PRKD1: variants seen among roughly 807,000 people sequenced by gnomAD.
PRKD1 encodes protein kinase D1.
PRKD1 carries 63 observed loss-of-function variants against 95.9 expected under a neutral mutation model. The observed-to-expected ratio is 0.66, with a 90% CI of 0.54 to 0.81. The LOEUF is 0.81. Among genes scored for constraint, PRKD1 ranks in the 30% least tolerant of loss-of-function variants. PRKD1 has a pLI of 0.00. For missense variants in PRKD1, 1,048 were observed against 1,165.3 expected, an observed-to-expected ratio of 0.90 and a Z score of 1.47; for synonymous variants, 425 against 423.1, an observed-to-expected ratio of 1.00 and a Z score of -0.05.
chr14:29,865,511 C>A (rs1450757148), intron 1 of PRKD1, among the ~76,000 whole-genome samples: 1 of 152,158 alleles, frequency 6.6e-6, no homozygotes, highest in Admixed American at 6.5e-5. Context: ...TTCATTATCA[C>A]AAGAGTGGCT....
intron 1 of PRKD1, among the ~76,000 whole-genome samples, chr14:29,801,791 C>T (rs981068281): frequency 1.3e-5 from 2 of 152,272 alleles, no homozygotes; most frequent in East Asian, 3.9e-4. Context: ...CAGGTTCAAG[C>T]GTTTCTCCTG....
At chr14:29,608,129 T>A (rs1302548013) in intron 13 of PRKD1, among the ~76,000 whole-genome samples, 8 of 152,212 alleles carry the variant, frequency 5.3e-5, no homozygotes, top group Admixed American at 4.6e-4. Context: ...TGCATCCATT[T>A]TGCCAATCTG....
At chr14:29,892,348 C>A (rs570013758) in intron 1 of PRKD1, among the ~76,000 whole-genome samples, 1 of 151,760 alleles carries the variant, frequency 6.6e-6, no homozygotes, top group South Asian at 2.1e-4. Context: ...AATATATTAG[C>A]CAAATGGTTG....
chr14:29,807,041 A>G (rs34510700), intron 1 of PRKD1, among the ~76,000 whole-genome samples: 1 of 151,908 alleles, frequency 6.6e-6, no homozygotes, highest in Admixed American at 6.5e-5. Flanking sequence ...ACATGCCTCA[A>G]TGAAAAAAAA....
intron 1 of PRKD1, among the ~76,000 whole-genome samples, chr14:29,864,911 G>T (rs1892835707): frequency 6.6e-6 from 1 of 152,120 alleles, no homozygotes; most frequent in African/African-American, 2.4e-5. Flanking sequence ...TAATCTTTAA[G>T]CCACATGCTC....
intron 1 of PRKD1, among the ~76,000 whole-genome samples, chr14:29,822,648 T>C (rs924538913): frequency 6.6e-6 from 1 of 152,164 alleles, no homozygotes; most frequent in Non-Finnish European, 1.5e-5. Context: ...TGTTCTGCCC[T>C]TTACTTTAGG....
chr14:29,702,202 A>T (rs532601657), intron 2 of PRKD1, among the ~76,000 whole-genome samples: 1 of 152,128 alleles, frequency 6.6e-6, no homozygotes, highest in East Asian at 1.9e-4. Context: ...CTGATGATTT[A>T]TGGTTTATTA....
intron 2 of PRKD1, among the ~76,000 whole-genome samples, chr14:29,701,670 C>T (rs1042002053): frequency 6.6e-6 from 1 of 152,122 alleles, no homozygotes; most frequent in African/African-American, 2.4e-5. Context: ...TTAACTCTTA[C>T]ATATCATGAG....
chr14:29,742,354 A>T (rs1887016446), intron 1 of PRKD1, among the ~76,000 whole-genome samples: 1 of 152,230 alleles, frequency 6.6e-6, no homozygotes, highest in African/African-American at 2.4e-5. Context: ...GACGGCCAAT[A>T]GCAGATTTTG....
In PRKD1 at chr14:29,630,051, T is replaced by TTCTTTC. The variant is rs1323681857; in HGVS notation, c.1672+690_1672+691insGAAAGA. Among the ~76,000 whole-genome samples the TTCTTTC allele has an allele frequency of 1.2e-3, 188 of 151,302 alleles. 1 individual carries two copies. The highest frequency in any genetic ancestry group is 4.4e-3 in the African/African-American group (180 of 41,168). ...CTTCTTCTTCTCCCTCTTCTTTTTC[T>TTCTTTC]TCTTGCTCTTTCTCTTCCTCTTCCT... On this transcript the variant is annotated intron_variant, in intron 10 of 17. Coordinates refer to ENST00000331968, the MANE Select transcript of PRKD1 (RefSeq NM_002742.3).
chr14:29,610,264 G>A (rs946313628), intron 13 of PRKD1, among the ~76,000 whole-genome samples: 1 of 152,088 alleles, frequency 6.6e-6, no homozygotes, highest in Non-Finnish European at 1.5e-5. Context: ...AGACACAAAT[G>A]TCTTTGTGAT....
At chr14:29,813,249 G>A (rs978007492) in intron 1 of PRKD1, among the ~76,000 whole-genome samples, 2 of 152,182 alleles carry the variant, frequency 1.3e-5, no homozygotes, top group African/African-American at 4.8e-5. Context: ...GGAGACAATT[G>A]TATGTGGGAA....
chr14:29,768,383 T>C (rs529894455), intron 1 of PRKD1, among the ~76,000 whole-genome samples: 2 of 152,368 alleles, frequency 1.3e-5, no homozygotes, highest in Admixed American at 1.3e-4. Flanking sequence ...CATCCTCTAT[T>C]AATCACTGGT....
intron 4 of PRKD1, among the ~76,000 whole-genome samples, chr14:29,656,757 G>A (rs895437744): frequency 6.6e-6 from 1 of 152,044 alleles, no homozygotes; most frequent in Non-Finnish European, 1.5e-5. Flanking sequence ...ATTGTGAGTC[G>A]CTAGATGTTA....
chr14:29,786,022 T>C (rs903962420), intron 1 of PRKD1, among the ~76,000 whole-genome samples: 4 of 152,154 alleles, frequency 2.6e-5, no homozygotes, highest in Non-Finnish European at 5.9e-5. Flanking sequence ...TGTTCCTCTA[T>C]ACCTAATTTG....
intron 1 of PRKD1, among the ~76,000 whole-genome samples, chr14:29,889,458 T>C (rs1295536441): frequency 6.6e-6 from 1 of 152,116 alleles, no homozygotes; most frequent in Non-Finnish European, 1.5e-5. Flanking sequence ...GGCTGGGGGA[T>C]TTCCCTTTCC....
chr14:29,675,902 T>C (rs1235199444), intron 2 of PRKD1, among the ~76,000 whole-genome samples: 1 of 147,484 alleles, frequency 6.8e-6, no homozygotes, highest in African/African-American at 2.5e-5. Flanking sequence ...CACCGCATGT[T>C]CTCACTCATA....
intron 4 of PRKD1, among the ~76,000 whole-genome samples, chr14:29,640,658 C>T (rs989524663): frequency 1.3e-5 from 2 of 152,134 alleles, no homozygotes; most frequent in African/African-American, 4.8e-5. Context: ...GGGTAAACTC[C>T]CTGTTCCAGT....
chr14:29,707,295 A>G (rs550212352), intron 2 of PRKD1, among the ~76,000 whole-genome samples: 11 of 152,336 alleles, frequency 7.2e-5, no homozygotes, highest in African/African-American at 2.6e-4. Flanking sequence ...AAGGAAACCA[A>G]CAAGGAAACT....
Sources: allele counts gnomAD v4.1 joint callset (sites outside exome capture counted in the v4.1 genomes callset), GRCh38; gene constraint gnomAD v4.1.1; transcripts MANE v1.5; gene names NCBI Gene and HGNC (gene_info 2026-07-23, HGNC 2026-07-21).